TCTN2: variants seen among roughly 807,000 people sequenced by gnomAD.
TCTN2 encodes the protein tectonic-2.
A neutral mutation model predicts 83.4 loss-of-function variants in TCTN2; 66 were observed. That is an observed-to-expected ratio of 0.79 (90% CI 0.65 to 0.97). The LOEUF (loss-of-function observed/expected upper bound fraction) is 0.97. Among genes scored for constraint, TCTN2 ranks in the 50% least tolerant of loss-of-function variants. TCTN2 has a pLI of 0.00. For missense variants in TCTN2, 794 were observed against 858.1 expected (o/e 0.93, Z 0.93); for synonymous variants, 301 against 326.7 (o/e 0.92, Z 0.85).
rs757206037 is a variant in TCTN2, at chr12:123,671,249, C to T, written c.9C>T (p.Phe3=). 3 of 1,612,966 alleles carry T rather than the reference C, an allele frequency of 1.9e-6. No individual in the cohort carries two copies. Among genetic ancestry groups the T allele is most frequent in the Non-Finnish European group, 1.7e-6 (2 of 1,179,804 alleles). Residue 3 remains phenylalanine (F), a synonymous_variant, in exon 1 of 18, where the codon TTC becomes TTT. Coordinates refer to ENST00000303372, the MANE Select transcript of TCTN2 (RefSeq NM_024809.5). ...CCCGCGAGGTCTAAGGCATGGGCTT[C>T]CAGCCTCCGGCCGCTCTTCTTTTGA... The part of the protein sequence containing the change: MG[F]QPPAALLLRL...
chr12:123,694,473 G>A (rs148960978), intron 9 of TCTN2, among the ~76,000 whole-genome samples: 4 of 152,352 alleles, frequency 2.6e-5, no homozygotes, highest in African/African-American at 7.2e-5. Context: ...TTCCTACGCC[G>A]TAGTAGGGAA....
At chr12:123,686,379 G>A (rs188682040) in intron 5 of TCTN2, among the ~76,000 whole-genome samples, 56 of 152,250 alleles carry the variant, frequency 3.7e-4, no homozygotes, top group African/African-American at 1.1e-3. Flanking sequence ...TAATTGGGTC[G>A]TGTTATAATC....
intron 5 of TCTN2, among the ~76,000 whole-genome samples, chr12:123,682,723 C>T (rs1955914561): frequency 6.6e-6 from 1 of 151,678 alleles, no homozygotes; most frequent in Admixed American, 6.6e-5. Context: ...CACAAGTGAT[C>T]CGCCCGCCTC....
chr12:123,707,768 C>A lies in TCTN2; in HGVS notation c.*55C>A. 7.3e-7 allele frequency: 1 copy of A among 1,369,676 alleles called. No individual in the cohort carries two copies. The highest frequency in any genetic ancestry group is 1.0e-6 in the Non-Finnish European group (1 of 959,748). The allele number at this position is 1,369,676 out of a possible 1,614,324, so 84.8% of individuals were successfully genotyped here. A position where few individuals can be genotyped will look rare whatever the true frequency, so the allele number is the denominator to read the frequency against. Reference sequence around the variant, plus strand: ...TGGAGTTTTGCTCTTGTTGCCCAGGCTGAAGTGATCTCGGCTCACCACAAC... The same window carrying A: ...TGGAGTTTTGCTCTTGTTGCCCAGGATGAAGTGATCTCGGCTCACCACAAC... On this transcript the variant is annotated 3_prime_UTR_variant, in exon 18 of 18. Coordinates refer to ENST00000303372, the MANE Select transcript of TCTN2 (RefSeq NM_024809.5).
At chr12:123,680,332 A>G (rs535822646) in intron 5 of TCTN2, among the ~76,000 whole-genome samples, 1 of 148,302 alleles carries the variant, frequency 6.7e-6, no homozygotes, top group East Asian at 2.1e-4. Context: ...AGCCTGGGCA[A>G]CAAGAGCGAA....
rs1212586333 is a variant in TCTN2 at position 123,679,998 on chromosome 12, C to A, written c.564+709C>A. On this transcript the variant is annotated intron_variant, in intron 5 of 17. Transcript: ENST00000303372. ...TCGTGATCCGCCCGCCTCGGCCTCCCAAAGTGCGGGGATTACAGGCGTGAG... is the reference window on the plus strand; with the variant it reads ...TCGTGATCCGCCCGCCTCGGCCTCCAAAAGTGCGGGGATTACAGGCGTGAG... Among the ~76,000 whole-genome samples the A allele has an allele frequency of 4.0e-5, 6 of 151,774 alleles. No individual in the cohort carries two copies. In the South Asian group the frequency reaches 6.2e-4, roughly 16 times the overall value.
Position 123,673,641 on chromosome 12 carries a change from G to A in TCTN2, c.294G>A (p.Trp98Ter). 1.2e-6 allele frequency: 2 copies of A among 1,614,178 alleles called. No homozygotes were observed. The highest frequency in any genetic ancestry group is 2.2e-5 in the East Asian group (1 of 44,884). Residue 98 changes from tryptophan (W) to a stop codon, truncating the protein, a stop_gained, in exon 4 of 18, where the codon TGG becomes TGA. Coordinates refer to ENST00000303372, the MANE Select transcript of TCTN2 (RefSeq NM_024809.5). LOFTEE classifies it high-confidence loss of function. ...GAKVLEVTVRWKRGLDWCSSN... is the reference protein window; with the variant it reads ...GAKVLEVTVR ...AGGTGTTGGAAGTGACAGTGAGGTG[G>A]AAGAGAGGTCTGGACTGGTGTTCCT...
At chr12:123,686,793 CCTGACCACGGTCACAG>C in intron 5 of TCTN2, 27 bp from the exon 6 acceptor site, 4 of 1,601,494 alleles carry the variant, frequency 2.5e-6, no homozygotes, top group Non-Finnish European at 3.4e-6. Flanking sequence ...GCCAGGAGAT[CCTGACCACGGTCACAG>C]CTCCTGCCTT....
rs1387269219 is a variant in TCTN2 at position 123,708,312 on chromosome 12, T to TTGTC, written c.*600_*601insGTCT. The TTGTC allele has an allele frequency of 1.3e-5, 2 of 155,420 alleles. No individual in the cohort carries two copies. The highest frequency in any genetic ancestry group is 3.8e-4 in the East Asian group (2 of 5,274). The allele number at this position is 155,420 out of a possible 1,614,324, so 9.6% of individuals were successfully genotyped here. On this transcript the variant is annotated 3_prime_UTR_variant, in exon 18 of 18. Coordinates refer to ENST00000303372, the MANE Select transcript of TCTN2 (RefSeq NM_024809.5). ...CCGGTCCATCTGACTTCTCAAAGAC[T>TTGTC]TTAGACCTTGACTTCAGTGATTTGT...
At chr12:123,689,033 G>A (rs1324046596) in intron 7 of TCTN2, among the ~76,000 whole-genome samples, 1 of 151,998 alleles carries the variant, frequency 6.6e-6, no homozygotes, top group Non-Finnish European at 1.5e-5. Context: ...TGGGATTACA[G>A]GCATGAGTCT....
At position 123,673,711 on chromosome 12, in the gene TCTN2, AC is replaced by A. The variant is rs748951253; in HGVS notation, c.367del (p.Leu123PhefsTer27). The A allele has an allele frequency of 1.2e-6, 2 of 1,613,996 alleles. No homozygotes were observed. Among genetic ancestry groups the A allele is most frequent in the Non-Finnish European group, 1.7e-6 (2 of 1,180,036 alleles). ...CTCAGAGTCCCCCTGTATCCTCCAG[AC>A]CCTTCTGGTTTCAGCATCTCATAAT... ...SFSESPCILQTLLVSASHNSS... is the reference protein window; with the variant it reads ...SFSESPCILQXLLVSASHNSS... On this transcript the variant is annotated frameshift_variant, in exon 4 of 18. Transcript: ENST00000303372. LOFTEE classifies it high-confidence loss of function.
intron 14 of TCTN2, among the ~76,000 whole-genome samples, chr12:123,701,087 A>G (rs780032434): frequency 6.6e-6 from 1 of 152,232 alleles, no homozygotes; most frequent in Non-Finnish European, 1.5e-5. Flanking sequence ...TGTAATTTAT[A>G]AAGGTAATTT....
chr12:123,671,654 C>T, intron 2 of TCTN2, 40 bp downstream of exon 2: 4 of 1,573,634 alleles, frequency 2.5e-6, no homozygotes, highest in South Asian at 1.1e-5. Flanking sequence ...GGGGGTTGGA[C>T]TGGATCCAGA....
chr12:123,706,631 C>T lies in TCTN2; in HGVS notation c.1770-95C>T, dbSNP rs1450189415. ...AGAATGCGAAACTTCTTAGGAGAAC[C>T]TCAGGTTATATTGTGATTGCATCCG... is the stretch of plus-strand genomic sequence containing the variant. On this transcript the variant is annotated intron_variant, in intron 15 of 17. Transcript: ENST00000303372. The T allele has an allele frequency of 3.1e-6, 5 of 1,589,706 alleles. No homozygotes were observed. The African/African-American group carries it at 5.4e-5, about 17-fold the overall frequency.
intron 15 of TCTN2, among the ~76,000 whole-genome samples, chr12:123,706,127 C>A (rs974165627): frequency 2.6e-5 from 4 of 152,146 alleles, no homozygotes; most frequent in Non-Finnish European, 4.4e-5. Flanking sequence ...CCTTTCTGAA[C>A]CAATCCCTAT....
intron 14 of TCTN2, chr12:123,700,098 T>A: frequency 2.1e-6 from 1 of 478,590 alleles, no homozygotes; most frequent in East Asian, 4.1e-5. Flanking sequence ...TGCCTCCTCA[T>A]CCTCCCAGGC....
chr12:123,707,404 G>T (rs908511257), intron 17 of TCTN2, among the ~76,000 whole-genome samples, 200 bp from the exon 18 acceptor site: 1 of 152,030 alleles, frequency 6.6e-6, no homozygotes, highest in Non-Finnish European at 1.5e-5. Context: ...AATATGCCTG[G>T]CTATTTTTGT....
chr12:123,672,735 CA>C (rs1955771360), intron 3 of TCTN2, among the ~76,000 whole-genome samples: 1 of 151,538 alleles, frequency 6.6e-6, no homozygotes, highest in South Asian at 2.1e-4. Flanking sequence ...GGCAACAGAG[CA>C]AGACCCTGTC....
At chr12:123,694,159 G>A (rs1047843733) in intron 9 of TCTN2, among the ~76,000 whole-genome samples, 5 of 151,836 alleles carry the variant, frequency 3.3e-5, no homozygotes, top group Admixed American at 6.6e-5. Flanking sequence ...ATGCCTGGCT[G>A]ATTTTTTGTA....
Sources: allele counts gnomAD v4.1 joint callset (sites outside exome capture counted in the v4.1 genomes callset), GRCh38; gene constraint gnomAD v4.1.1; transcripts MANE v1.5; gene names NCBI Gene and HGNC (gene_info 2026-07-23, HGNC 2026-07-21).